Variants in CHRDL1 observed in about 807,000 individuals in gnomAD.
CHRDL1 encodes the protein chordin like 1.
A neutral mutation model predicts 40.9 loss-of-function variants in CHRDL1; 19 were observed. The ratio of observed to expected loss-of-function variants is 0.46; its 90% confidence interval spans 0.32 to 0.68. The LOEUF (loss-of-function observed/expected upper bound fraction) is 0.68. CHRDL1 is among the 30% of genes least tolerant of loss of function. The probability of loss-of-function intolerance (pLI) is 0.03; values close to 1 mark genes in which losing one functional copy is unlikely to be tolerated. For synonymous variants in CHRDL1, 136 were observed against 123.4 expected (o/e 1.10, Z -0.68); for missense variants, 329 against 352.1 (o/e 0.93, Z 0.53).
At chrX:110,690,291 G>A (rs1398342538) in intron 8 of CHRDL1, among the ~76,000 whole-genome samples, 1 of 105,679 alleles carries the variant, frequency 9.5e-6, no homozygotes, top group East Asian at 2.9e-4. Flanking sequence ...CTCGTGATCC[G>A]CCTGCCTCGG....
At chrX:110,772,431 G>A (rs1258145311) in intron 2 of CHRDL1, among the ~76,000 whole-genome samples, 2 of 112,948 alleles carry the variant, frequency 1.8e-5, no homozygotes, top group Admixed American at 9.3e-5. Context: ...TTGAGGCAAG[G>A]AGTTCGAGAC....
chrX:110,756,577 T>C (rs531998170), intron 4 of CHRDL1, among the ~76,000 whole-genome samples: 160 of 111,293 alleles, frequency 1.4e-3, no homozygotes, highest in Middle Eastern at 4.6e-3. Flanking sequence ...AATAGACCAT[T>C]CAGGCATGAG....
At chrX:110,764,816 G>A (rs1056009014) in intron 2 of CHRDL1, among the ~76,000 whole-genome samples, 1 of 110,790 alleles carries the variant, frequency 9.0e-6, no homozygotes, top group African/African-American at 3.3e-5. Context: ...TGCTCTGGGA[G>A]TGTCTGTCTT....
rs187919171 is a variant in CHRDL1 at position 110,716,663 on chromosome X, G to A, written c.541+3172C>T. On this transcript the variant is annotated intron_variant, in intron 6 of 11. Transcript: ENST00000372042. ...GGGTGGAGAAATTAGGGATGGAAGT[G>A]GGAAGGCAGAAAAGAAAGGCCTTCC... is the stretch of plus-strand genomic sequence containing the variant. Among the ~76,000 whole-genome samples the A allele has an allele frequency of 2.8e-3, 306 of 110,676 alleles. 1 individual carries two copies. The highest frequency in any genetic ancestry group is 8.7e-3 in the African/African-American group (265 of 30,444).
intron 4 of CHRDL1, among the ~76,000 whole-genome samples, chrX:110,729,241 A>G (rs2071114131): frequency 8.9e-6 from 1 of 111,928 alleles, no homozygotes; most frequent in Non-Finnish European, 1.9e-5. Flanking sequence ...TTTCCTTGGG[A>G]TGCTCCCTGA....
intron 6 of CHRDL1, among the ~76,000 whole-genome samples, chrX:110,711,450 C>A (rs1400276902): frequency 9.0e-6 from 1 of 111,606 alleles, no homozygotes; most frequent in Admixed American, 9.5e-5. Flanking sequence ...AGCTGCTAAT[C>A]AACAGGCATA....
chrX:110,678,948 G>T (rs2069837924), intron 11 of CHRDL1, among the ~76,000 whole-genome samples: 1 of 111,052 alleles, frequency 9.0e-6, no homozygotes, highest in Non-Finnish European at 1.9e-5. Context: ...ATTTCTCTTT[G>T]CCTCTCATAC....
intron 4 of CHRDL1, among the ~76,000 whole-genome samples, chrX:110,752,544 C>G (rs1057143429): frequency 2.1e-4 from 23 of 111,127 alleles, no homozygotes; most frequent in Non-Finnish European, 4.3e-4. Context: ...CCTTTGGCAG[C>G]CCCTCTGTAA....
rs201385311 is a variant in CHRDL1, at chrX:110,757,380, G to GA, written c.301+2280dup. Among the ~76,000 whole-genome samples the GA allele has an allele frequency of 1.2e-3, 123 of 103,037 alleles. 2 individuals are homozygous for GA. Among genetic ancestry groups the GA allele is most frequent in the East Asian group, 6.6e-3 (22 of 3,314 alleles). The allele number at this position is 103,037 out of a possible 115,157, so 89.5% of individuals were successfully genotyped here. On this transcript the variant is annotated intron_variant, in intron 4 of 11. Transcript: ENST00000372042. ...AAGAAGAAAGTTTTAAAAGCTAGAAGAAAAAAAAAACGAAGAACCCGCAAA... is the reference window on the plus strand; with the variant it reads ...AAGAAGAAAGTTTTAAAAGCTAGAAGAAAAAAAAAAACGAAGAACCCGCAAA...
chrX:110,699,500 C>T (rs937357675), intron 7 of CHRDL1, among the ~76,000 whole-genome samples: 2 of 111,891 alleles, frequency 1.8e-5, no homozygotes, highest in Non-Finnish European at 1.9e-5. Context: ...CTAATTGATG[C>T]TTATAGGAAA....
At chrX:110,782,376 A>G (rs148458709) in intron 2 of CHRDL1, among the ~76,000 whole-genome samples, 2,420 of 112,126 alleles carry the variant, frequency 0.022, 67 homozygotes, top group African/African-American at 0.073. Flanking sequence ...ATTCAAACCT[A>G]TATCTTGTAG....
intron 2 of CHRDL1, among the ~76,000 whole-genome samples, chrX:110,772,283 C>A (rs1204313843): frequency 8.9e-6 from 1 of 112,327 alleles, no homozygotes; most frequent in African/African-American, 3.2e-5. Context: ...TATGGAAAGG[C>A]AAAGAAAGTA....
At chrX:110,686,254 A>G (rs2070013115) in intron 9 of CHRDL1, among the ~76,000 whole-genome samples, 1 of 111,251 alleles carries the variant, frequency 9.0e-6, no homozygotes, top group African/African-American at 3.3e-5. Context: ...AAAAGCAATG[A>G]CTGTTGTTTG....
intron 4 of CHRDL1, among the ~76,000 whole-genome samples, chrX:110,757,286 A>G (rs2089472251): frequency 9.0e-6 from 1 of 111,366 alleles, no homozygotes; most frequent in African/African-American, 3.3e-5. Context: ...CTTTGGCTGA[A>G]AAAATCATGT....
chrX:110,794,770 C>T (rs773695127), intron 1 of CHRDL1, among the ~76,000 whole-genome samples: 7 of 112,318 alleles, frequency 6.2e-5, no homozygotes, highest in Admixed American at 3.7e-4. Context: ...CAGTTCTTCA[C>T]GCCCCACAGT....
At chrX:110,771,645 GAC>G (rs761504406) in intron 2 of CHRDL1, among the ~76,000 whole-genome samples, 8 of 111,693 alleles carry the variant, frequency 7.2e-5, no homozygotes, top group Admixed American at 6.7e-4. Context: ...ATTCATGACA[GAC>G]AGTCTCTGCA....
intron 7 of CHRDL1, among the ~76,000 whole-genome samples, chrX:110,695,640 C>G (rs890406067): frequency 2.7e-5 from 3 of 112,131 alleles, no homozygotes; most frequent in African/African-American, 9.8e-5. Flanking sequence ...AAAGGAAGGT[C>G]TTTATATTCA....
At chrX:110,686,925 C>A (rs2070036984) in intron 9 of CHRDL1, among the ~76,000 whole-genome samples, 1 of 102,513 alleles carries the variant, frequency 9.8e-6, no homozygotes, top group African/African-American at 3.7e-5. Flanking sequence ...AGAATGTGTT[C>A]TCTCTGTATT....
At chrX:110,776,377 C>T (rs2089853412) in intron 2 of CHRDL1, among the ~76,000 whole-genome samples, 1 of 110,333 alleles carries the variant, frequency 9.1e-6, no homozygotes, top group African/African-American at 3.3e-5. Context: ...GATTGGTAGC[C>T]CTTTTTATGA....
Sources: gnomAD v4.1 joint callset for allele counts (sites outside exome capture counted in the v4.1 genomes callset) on GRCh38, gnomAD v4.1.1 for gene constraint, MANE v1.5 for transcripts, NCBI Gene and HGNC (gene_info 2026-07-23, HGNC 2026-07-21) for gene names.